The following DYSF variants were observed in gnomAD, a reference collection of about 807,000 sequenced individuals.
DYSF encodes dystrophy-associated fer-1-like 1.
Under a neutral mutation model 274.9 loss-of-function variants are expected in DYSF, and 212 were observed. The ratio of observed to expected loss-of-function variants is 0.77; its 90% CI spans 0.69 to 0.86. The LOEUF (loss-of-function observed/expected upper bound fraction) is 0.86. Ranked by LOEUF, DYSF falls within the 40% of genes least tolerant of loss-of-function variation. The pLI is 0.00. For missense variants in DYSF, 2,666 were observed against 2,783.2 expected, an observed-to-expected ratio of 0.96 and a Z score of 0.95; for synonymous variants, 1,091 against 1,078.7, an observed-to-expected ratio of 1.01 and a Z score of -0.22.
rs971134497 is a variant in DYSF at position 71,612,667 on chromosome 2, C to T, written c.4248C>T (p.Cys1416=). 4 of 1,613,832 alleles carry T rather than the reference C, an allele frequency of 2.5e-6. No individual in the cohort carries two copies. The highest frequency in any genetic ancestry group is 1.3e-5 in the African/African-American group (1 of 74,882). ...EVMLPREELY[C]PPITVKVIDN... is the part of the protein sequence containing the mutation. ...TGCTGCCCAGGGAGGAGCTCTACTG[C>T]CCCCCCATCACCGTCAAGGTCATCG... The change falls in exon 39 of 56, where the codon TGC becomes TGT. Residue 1416 remains cysteine, a synonymous_variant. Coordinates refer to ENST00000410020, the MANE Select transcript of DYSF (RefSeq NM_001130987.2).
At chr2:71,603,098 C>G (rs768404371) in intron 36 of DYSF, among the ~76,000 whole-genome samples, 2 of 152,162 alleles carry the variant, frequency 1.3e-5, no homozygotes, top group Non-Finnish European at 2.9e-5. Context: ...CCAGGTGGCA[C>G]ATTTTGAAGA....
At chr2:71,602,541 G>A in intron 35 of DYSF, 1 of 504,576 alleles carries the variant, frequency 2.0e-6, no homozygotes, top group Admixed American at 3.0e-5. Context: ...GCGTCCCTCT[G>A]CACTGACATC....
At chr2:71,650,651 A>C (rs72829459) in intron 42 of DYSF, among the ~76,000 whole-genome samples, 7,986 of 152,290 alleles carry the variant, frequency 0.052, 300 homozygotes, top group Non-Finnish European at 0.078. Flanking sequence ...AATAAATTTC[A>C]GAAAGTGACA....
chr2:71,563,018 C>T (rs1407427232), intron 23 of DYSF, among the ~76,000 whole-genome samples: 1 of 152,236 alleles, frequency 6.6e-6, no homozygotes, highest in African/African-American at 2.4e-5. Context: ...CTTGCATGTG[C>T]ATCAGAATCC....
At chr2:71,562,130 C>T (rs540829497) in intron 23 of DYSF, among the ~76,000 whole-genome samples, 186 bp downstream of exon 23, 30 of 152,280 alleles carry the variant, frequency 2.0e-4, no homozygotes, top group Admixed American at 9.8e-4. Flanking sequence ...AGAGAGGGTA[C>T]GATGGAATAC....
chr2:71,577,089 A>G (rs1180165556), intron 30 of DYSF: 1 of 152,940 alleles, frequency 6.5e-6, no homozygotes, highest in African/African-American at 2.4e-5. Context: ...GGCAGATCCC[A>G]CAGACCTGCA....
chr2:71,494,253 T>C (rs2084162483), intron 3 of DYSF, among the ~76,000 whole-genome samples: 1 of 152,190 alleles, frequency 6.6e-6, no homozygotes, highest in African/African-American at 2.4e-5. Context: ...GATTCAAGCT[T>C]GGATTAGGTT....
chr2:71,658,760 T>C (rs1257755175), intron 43 of DYSF, 118 bp from the exon 44 acceptor site: 1 of 1,298,196 alleles, frequency 7.7e-7, no homozygotes, highest in East Asian at 2.4e-5. Context: ...CCTGGGTCCC[T>C]CCCACAACAT....
intron 43 of DYSF, among the ~76,000 whole-genome samples, chr2:71,656,671 C>T (rs192892541): frequency 4.3e-4 from 65 of 152,170 alleles, no homozygotes; most frequent in African/African-American, 1.3e-3. Context: ...AGAATCATGG[C>T]GGGAGGGGAA....
chr2:71,460,240 T>C (rs1284335087), intron 1 of DYSF, among the ~76,000 whole-genome samples: 1 of 152,184 alleles, frequency 6.6e-6, no homozygotes, highest in Non-Finnish European at 1.5e-5. Context: ...ACGTGGTCCA[T>C]GATGGCGCAC....
At chr2:71,513,592 G>A in intron 6 of DYSF, 124 bp from the exon 7 acceptor site, 2 of 1,000,810 alleles carry the variant, frequency 2.0e-6, no homozygotes, top group Non-Finnish European at 3.0e-6. Context: ...GGAGGGAGAG[G>A]AAGAGGGGAT....
chr2:71,462,772 C>T (rs549292901), upstream of DYSF, among the ~76,000 whole-genome samples: 212 of 152,326 alleles, frequency 1.4e-3, no homozygotes, highest in Non-Finnish European at 2.4e-3. Flanking sequence ...GGCAGGTCTT[C>T]CCGACAAGTG....
intron 40 of DYSF, among the ~76,000 whole-genome samples, chr2:71,620,145 C>T (rs911545818): frequency 6.6e-6 from 1 of 152,092 alleles, no homozygotes; most frequent in Admixed American, 6.5e-5. Context: ...GGTTAGGATG[C>T]TGGGGTTGGA....
chr2:71,556,685 T>C lies in DYSF; in HGVS notation c.2216+614T>C, dbSNP rs556348756. Among the ~76,000 whole-genome samples the C allele has an allele frequency of 1.6e-4, 24 of 152,332 alleles. No homozygotes were observed. In the South Asian group the frequency reaches 5.0e-3, roughly 32 times the overall value. On this transcript the variant is annotated intron_variant, in intron 22 of 55. Transcript: ENST00000410020. ...GGAAGGATTTAATAAATGGTAGCTA[T>C]AATTATTGCTCAGAAGAAGAAATGT...
intron 24 of DYSF, among the ~76,000 whole-genome samples, chr2:71,567,542 C>G (rs2092178103): frequency 6.6e-6 from 1 of 152,228 alleles, no homozygotes; most frequent in African/African-American, 2.4e-5. Flanking sequence ...GCCTAGTTGA[C>G]TACCATATTG....
At chr2:71,618,607 G>GTT (rs1474334218) in intron 40 of DYSF, among the ~76,000 whole-genome samples, 1 of 61,518 alleles carries the variant, frequency 1.6e-5, no homozygotes, top group Non-Finnish European at 4.1e-5. Context: ...TAGAGGTGGT[G>GTT]GGTGTGGTAG....
intron 45 of DYSF, among the ~76,000 whole-genome samples, 199 bp downstream of exon 45, chr2:71,660,850 C>T (rs1311695041): frequency 6.6e-6 from 1 of 152,120 alleles, no homozygotes; most frequent in Non-Finnish European, 1.5e-5. Flanking sequence ...AACAGAAGCT[C>T]CTAGTTAAAT....
intron 1 of DYSF, among the ~76,000 whole-genome samples, chr2:71,458,112 G>A (rs1270343562): frequency 6.6e-6 from 1 of 152,170 alleles, no homozygotes; most frequent in East Asian, 1.9e-4. Flanking sequence ...TAACCACTCT[G>A]TGTCAGTTTC....
chr2:71,622,429 TA>T (rs2094128379), intron 41 of DYSF, among the ~76,000 whole-genome samples: 1 of 152,248 alleles, frequency 6.6e-6, no homozygotes, highest in East Asian at 1.9e-4. Flanking sequence ...AGTTTCTTTC[TA>T]ATAGTAATGC....
Sources: gnomAD v4.1 joint callset for allele counts (sites outside exome capture counted in the v4.1 genomes callset) on GRCh38, gnomAD v4.1.1 for gene constraint, MANE v1.5 for transcripts, NCBI Gene and HGNC (gene_info 2026-07-23, HGNC 2026-07-21) for gene names.